The following NLRP13 variants were observed in gnomAD, a reference collection of about 807,000 sequenced individuals.
NLRP13 encodes NLR family pyrin domain containing 13.
A neutral mutation model predicts 94.4 loss-of-function variants in NLRP13; 82 were observed. That is an observed-to-expected ratio of 0.87 (90% CI 0.73 to 1.04). The LOEUF is 1.04. Among genes scored for constraint, NLRP13 ranks in the 50% least tolerant of loss-of-function variants. The pLI, the probability that NLRP13 is intolerant of heterozygous loss-of-function variation, is 0.00. For synonymous variants in NLRP13, 553 were observed against 464.7 expected (o/e 1.19, Z -2.45); for missense variants, 1,426 against 1,230.8 (o/e 1.16, Z -2.37).
intron 1 of NLRP13, among the ~76,000 whole-genome samples, chr19:55,930,578 C>T (rs1394663181): frequency 6.7e-6 from 1 of 148,704 alleles, no homozygotes; most frequent in Non-Finnish European, 1.5e-5. Flanking sequence ...CCCAGCTACT[C>T]GGGAGGCTGA....
chr19:55,906,711 G>A lies in NLRP13; in HGVS notation c.2447+1081C>T, dbSNP rs1168968611. ...GACTCCAACCTATCACAGAGGCCCC[G>A]AGACAGACCGTTACTCTTTGAAAGA... On this transcript the variant is annotated intron_variant, in intron 7 of 10. Coordinates refer to ENST00000342929, the MANE Select transcript of NLRP13 (RefSeq NM_176810.2). Among the ~76,000 whole-genome samples, 6 of 151,648 alleles carry A rather than the reference G, an allele frequency of 4.0e-5. No individual in the cohort carries two copies. The East Asian group carries it at 1.2e-3, about 30-fold the overall frequency.
At chr19:55,914,227 A>G (rs1274662913) in intron 4 of NLRP13, among the ~76,000 whole-genome samples, 1 of 152,210 alleles carries the variant, frequency 6.6e-6, no homozygotes, top group African/African-American at 2.4e-5. Context: ...GTGAGGAGTG[A>G]TTGAGCTAGC....
chr19:55,899,217 C>T (rs930514153), intron 9 of NLRP13, among the ~76,000 whole-genome samples: 1 of 152,108 alleles, frequency 6.6e-6, no homozygotes, highest in African/African-American at 2.4e-5. Context: ...GTGGTTACCC[C>T]CCAGCACCCA....
intron 1 of NLRP13, among the ~76,000 whole-genome samples, chr19:55,931,734 G>GAAAGAAAGAAA (rs1987149908): frequency 7.5e-5 from 10 of 132,520 alleles, no homozygotes; most frequent in South Asian, 2.4e-4. Context: ...AAGAAAGAAA[G>GAAAGAAAGAAA]AAAGAAAGAA....
intron 4 of NLRP13, among the ~76,000 whole-genome samples, chr19:55,917,461 C>T (rs967181676): frequency 5.3e-5 from 8 of 151,840 alleles, no homozygotes; most frequent in African/African-American, 1.5e-4. Context: ...GGATTAAATG[C>T]GCTTCTTAAA....
chr19:55,922,843 G>A (rs188468512), intron 4 of NLRP13, among the ~76,000 whole-genome samples: 18 of 152,282 alleles, frequency 1.2e-4, no homozygotes, highest in Middle Eastern at 3.4e-3. Context: ...GTAGATAACC[G>A]ATTGGAAAAC....
intron 1 of NLRP13, among the ~76,000 whole-genome samples, chr19:55,928,616 C>T (rs997263768): frequency 2.0e-5 from 3 of 152,152 alleles, no homozygotes; most frequent in Non-Finnish European, 4.4e-5. Flanking sequence ...GTAAGTTCTT[C>T]CTTTGAGAGC....
At chr19:55,896,954 G>A (rs1341138882) in intron 10 of NLRP13, among the ~76,000 whole-genome samples, 1 of 151,288 alleles carries the variant, frequency 6.6e-6, no homozygotes, top group Non-Finnish European at 1.5e-5. Flanking sequence ...ATTTTAAACT[G>A]TATTTGATGG....
At chr19:55,931,281 G>C (rs4991665) in intron 1 of NLRP13, among the ~76,000 whole-genome samples, 1 of 151,816 alleles carries the variant, frequency 6.6e-6, no homozygotes, top group Non-Finnish European at 1.5e-5. Context: ...GGTGGGTTGC[G>C]GGGGCAGGGC....
chr19:55,906,352 A>AAAAAAAAAAAC (rs1986349508), intron 7 of NLRP13, among the ~76,000 whole-genome samples: 1 of 150,982 alleles, frequency 6.6e-6, no homozygotes, highest in Non-Finnish European at 1.5e-5. Flanking sequence ...AAAAAAAAAA[A>AAAAAAAAAAAC]AAGACAGATG....
intron 4 of NLRP13, among the ~76,000 whole-genome samples, chr19:55,921,081 T>C (rs1986812597): frequency 6.6e-6 from 1 of 152,118 alleles, no homozygotes; most frequent in African/African-American, 2.4e-5. Flanking sequence ...TATGTACATA[T>C]AGAATGGAAT....
intron 1 of NLRP13, 142 bp from the exon 2 acceptor site, chr19:55,925,177 A>G (rs1398707573): frequency 1.4e-6 from 1 of 732,394 alleles, no homozygotes; most frequent in Non-Finnish European, 2.3e-6. Flanking sequence ...CTCAAGCTCC[A>G]TTAGCCCAAC....
intron 4 of NLRP13, among the ~76,000 whole-genome samples, chr19:55,916,414 T>G (rs1986675739): frequency 6.6e-6 from 1 of 152,156 alleles, no homozygotes; most frequent in Admixed American, 6.5e-5. Flanking sequence ...TTTAAAATAT[T>G]GATTTTAAAG....
chr19:55,904,863 A>C lies in NLRP13; in HGVS notation c.2618+79T>G, dbSNP rs578248045. The stretch of plus-strand genomic sequence containing the variant: ...TGTTACTTTTTAATAATATAAATAG[A>C]TATCAAATGAAGAAACCATTGTTCT... On this transcript the variant is annotated intron_variant, in intron 8 of 10. Coordinates refer to ENST00000342929, the MANE Select transcript of NLRP13 (RefSeq NM_176810.2). 5.1e-6 allele frequency: 6 copies of C among 1,165,816 alleles called. No homozygotes were observed. The South Asian group carries it at 1.0e-4, about 20-fold the overall frequency. 72.2% of individuals were successfully genotyped at this position (1,165,816 alleles called of 1,614,324 possible).
chr19:55,901,930 C>T, intron 9 of NLRP13, 105 bp downstream of exon 9: 2 of 1,198,308 alleles, frequency 1.7e-6, no homozygotes, highest in East Asian at 2.5e-5. Flanking sequence ...TGGCAAAGAG[C>T]TTGTCCACGC....
chr19:55,927,279 G>A (rs538984713), intron 1 of NLRP13, among the ~76,000 whole-genome samples: 37 of 150,834 alleles, frequency 2.5e-4, no homozygotes, highest in African/African-American at 9.0e-4. Context: ...TGAGGCAGGA[G>A]AATCGCTTGA....
At chr19:55,931,907 G>C (rs1244253201) in intron 1 of NLRP13, 86 bp downstream of exon 1, 1 of 1,141,062 alleles carries the variant, frequency 8.8e-7, no homozygotes, top group African/African-American at 1.5e-5. Flanking sequence ...CGGCAGTGTG[G>C]AATGACCCCA....
In NLRP13 at chr19:55,910,699, T is replaced by G; in HGVS notation, c.2146A>C (p.Asn716His). 6.2e-7 allele frequency: 1 copy of G among 1,611,858 alleles called. No homozygotes were observed. Residue 716 changes from asparagine (N) to histidine (H), a missense_variant, in exon 6 of 11, where the codon AAC becomes CAC. Physicochemically the swap from Asn to His is moderately conservative, Grantham distance 68. Transcript: ENST00000342929. ...SKFDSRMHAW[N>H]SICSTLVTNE... is the part of the protein sequence containing the mutation. ...GTGACCAACGTAGAGCAAATGCTGT[T>G]CCATGCGTGCATCCTGGAATCAAAC... is the stretch of plus-strand genomic sequence containing the variant.
chr19:55,924,178 A>C (rs1321781654), intron 3 of NLRP13, among the ~76,000 whole-genome samples, 199 bp from the exon 4 acceptor site: 1 of 152,150 alleles, frequency 6.6e-6, no homozygotes, highest in Non-Finnish European at 1.5e-5. Flanking sequence ...GCTAGAGTGC[A>C]GTGGTACCAT....
Sources: gnomAD v4.1 joint callset for allele counts (sites outside exome capture counted in the v4.1 genomes callset) on GRCh38, gnomAD v4.1.1 for gene constraint, MANE v1.5 for transcripts, NCBI Gene and HGNC (gene_info 2026-07-23, HGNC 2026-07-21) for gene names.